The following ZDHHC2 variants were observed in gnomAD, a reference collection of about 807,000 sequenced individuals.
The protein encoded by ZDHHC2 is zDHHC palmitoyltransferase 2.
ZDHHC2 carries 51 observed loss-of-function variants against 55.6 expected under a neutral mutation model. The observed-to-expected ratio is 0.92, with a 90% CI of 0.73 to 1.16. ZDHHC2 has a LOEUF of 1.16. ZDHHC2 is among the 50% of genes most tolerant of loss of function. The pLI, the probability that ZDHHC2 is intolerant of heterozygous loss-of-function variation, is 0.00. For synonymous variants in ZDHHC2, 199 were observed against 152.9 expected, an observed-to-expected ratio of 1.30 and a Z score of -2.22; for missense variants, 491 against 442.4, an observed-to-expected ratio of 1.11 and a Z score of -0.99.
At chr8:17,179,585 T>C (rs1360663531) in intron 1 of ZDHHC2, among the ~76,000 whole-genome samples, 1 of 151,556 alleles carries the variant, frequency 6.6e-6, no homozygotes, top group Non-Finnish European at 1.5e-5. Flanking sequence ...AAAAAAAAAG[T>C]TTATTTGTAG....
chr8:17,210,003 A>G lies in ZDHHC2; in HGVS notation c.802A>G (p.Met268Val), dbSNP rs1445225505. The G allele has an allele frequency of 1.9e-6, 3 of 1,610,678 alleles. No individual in the cohort carries two copies. Among genetic ancestry groups the G allele is most frequent in the East Asian group, 2.2e-5 (1 of 44,794 alleles). Residue 268 changes from methionine to valine, a missense_variant, in exon 9 of 13, where the codon ATG (methionine) becomes GTG (valine). Transcript: ENST00000262096. Reference sequence around the variant, plus strand: ...ATTCAGCTTGGGTTTCAGTAAAAACATGCGACAAGTTTTTGGTGATGAGAA... The same window carrying G: ...ATTCAGCTTGGGTTTCAGTAAAAACGTGCGACAAGTTTTTGGTGATGAGAA... ...NGFSLGFSKNMRQVFGDEKKY... is the reference protein window; with the variant it reads ...NGFSLGFSKNVRQVFGDEKKY...
At chr8:17,186,601 T>C (rs985208893) in intron 3 of ZDHHC2, among the ~76,000 whole-genome samples, 176 bp downstream of exon 3, 1 of 152,334 alleles carries the variant, frequency 6.6e-6, no homozygotes, top group African/African-American at 2.4e-5. Context: ...GAAATATTAG[T>C]GTTTTCACCA....
At chr8:17,193,370 T>C (rs1320187650) in intron 3 of ZDHHC2, among the ~76,000 whole-genome samples, 3 of 152,242 alleles carry the variant, frequency 2.0e-5, no homozygotes, top group East Asian at 1.9e-4. Flanking sequence ...TTCTGCCTTA[T>C]ATTCTTCTAA....
chr8:17,199,488 T>TTCGTCTTCG (rs1491385427), intron 6 of ZDHHC2, among the ~76,000 whole-genome samples: 1 of 31,882 alleles, frequency 3.1e-5, no homozygotes. Context: ...CTTCTTCTTC[T>TTCGTCTTCG]TCTTCTTCTT....
chr8:17,211,434 A>G (rs529934340), intron 10 of ZDHHC2, among the ~76,000 whole-genome samples: 71 of 152,188 alleles, frequency 4.7e-4, no homozygotes, highest in African/African-American at 1.6e-3. Context: ...ACCTCAAGGC[A>G]GTGTTCCTGG....
At chr8:17,203,623 AT>A in intron 6 of ZDHHC2, among the ~76,000 whole-genome samples, 1 of 152,138 alleles carries the variant, frequency 6.6e-6, no homozygotes, top group Non-Finnish European at 1.5e-5. Flanking sequence ...AATACCCTGT[AT>A]CCTTTTGAGA....
chr8:17,190,968 T>C (rs1313627645), intron 3 of ZDHHC2, among the ~76,000 whole-genome samples: 1 of 137,008 alleles, frequency 7.3e-6, no homozygotes, highest in Non-Finnish European at 1.6e-5. Context: ...TTTTTTTTTT[T>C]TTTTTTTTTT....
intron 6 of ZDHHC2, among the ~76,000 whole-genome samples, chr8:17,199,940 G>A (rs1806655736): frequency 6.6e-6 from 1 of 151,836 alleles, no homozygotes; most frequent in African/African-American, 2.4e-5. Flanking sequence ...TGTACTTTTA[G>A]TAGAGTCGGT....
chr8:17,195,331 A>G (rs17124184), intron 3 of ZDHHC2, among the ~76,000 whole-genome samples, 173 bp from the exon 4 acceptor site: 17,216 of 152,234 alleles, frequency 0.11, 1,100 homozygotes, highest in Non-Finnish European at 0.13. Context: ...AGATGCATAA[A>G]TGAATGACCT....
At chr8:17,181,884 T>C (rs1410765701) in intron 1 of ZDHHC2, among the ~76,000 whole-genome samples, 1 of 152,204 alleles carries the variant, frequency 6.6e-6, no homozygotes, top group East Asian at 1.9e-4. Flanking sequence ...GAGCAATCTT[T>C]TCTTGAACAG....
intron 10 of ZDHHC2, among the ~76,000 whole-genome samples, chr8:17,211,976 T>C (rs1042218411): frequency 6.6e-6 from 1 of 152,248 alleles, no homozygotes; most frequent in Non-Finnish European, 1.5e-5. Flanking sequence ...TTTTTTTTAA[T>C]AATTTAAGAA....
chr8:17,205,877 C>T (rs1241719328), intron 7 of ZDHHC2, 102 bp downstream of exon 7: 1 of 1,160,596 alleles, frequency 8.6e-7, no homozygotes. Context: ...TAGACCAGAG[C>T]TCATTGACAT....
At chr8:17,193,544 C>A (rs1030182065) in intron 3 of ZDHHC2, among the ~76,000 whole-genome samples, 4 of 152,220 alleles carry the variant, frequency 2.6e-5, no homozygotes, top group Non-Finnish European at 4.4e-5. Context: ...CCTGCCTCCC[C>A]CATCTGCGTT....
rs556917238 is a variant in ZDHHC2 at position 17,224,273 on chromosome 8, A to G, written c.*4052A>G. ...ACTGGTGAAAAATGTTCAAAAATAG[A>G]TCTTTTTGATGTTCATAGCCAGTAT... is the stretch of plus-strand genomic sequence containing the variant. On this transcript the variant is annotated 3_prime_UTR_variant, in exon 13 of 13. Transcript: ENST00000262096. The G allele has an allele frequency of 6.6e-6, 1 of 151,792 alleles. No homozygotes were observed. The highest frequency in any genetic ancestry group is 2.4e-5 in the African/African-American group (1 of 41,506). The allele number at this position is 151,792 out of a possible 1,614,324, so 9.4% of individuals were successfully genotyped here.
At chr8:17,196,040 CAT>C (rs1012196495) in intron 4 of ZDHHC2, among the ~76,000 whole-genome samples, 1 of 152,078 alleles carries the variant, frequency 6.6e-6, no homozygotes, top group Non-Finnish European at 1.5e-5. Flanking sequence ...TTAGAACAGT[CAT>C]ATAGGTGATG....
chr8:17,157,956 G>A (rs1804146238), intron 1 of ZDHHC2, among the ~76,000 whole-genome samples: 1 of 152,142 alleles, frequency 6.6e-6, no homozygotes, highest in African/African-American at 2.4e-5. Flanking sequence ...AAAATGTTGC[G>A]CCTTGTGAGA....
At position 17,221,589 on chromosome 8, in the gene ZDHHC2, C is replaced by A. The variant is rs1807920540; in HGVS notation, c.*1368C>A. ...CAAAATCTTTGTTAAACCAAACATT[C>A]AACACAAAATAAACTAGAAGGCCAG... On this transcript the variant is annotated 3_prime_UTR_variant, in exon 13 of 13. Coordinates refer to ENST00000262096, the MANE Select transcript of ZDHHC2 (RefSeq NM_016353.5). 1 of 152,246 alleles carries A rather than the reference C, an allele frequency of 6.6e-6. No homozygotes were observed. The highest frequency in any genetic ancestry group is 2.4e-5 in the African/African-American group (1 of 41,394). The allele number at this position is 152,246 out of a possible 1,614,324, so 9.4% of individuals were successfully genotyped here.
intron 6 of ZDHHC2, among the ~76,000 whole-genome samples, chr8:17,200,830 A>T (rs905095332): frequency 6.6e-6 from 1 of 152,212 alleles, no homozygotes; most frequent in African/African-American, 2.4e-5. Context: ...CTCCACCCTT[A>T]GGTGGCAGTG....
chr8:17,179,005 C>T (rs1385605471), intron 1 of ZDHHC2, among the ~76,000 whole-genome samples: 1 of 152,128 alleles, frequency 6.6e-6, no homozygotes, highest in African/African-American at 2.4e-5. Flanking sequence ...GGCTTGAATG[C>T]AGTAGCAGGA....
Sources: gnomAD v4.1 joint callset for allele counts (sites outside exome capture counted in the v4.1 genomes callset) on GRCh38, gnomAD v4.1.1 for gene constraint, MANE v1.5 for transcripts, NCBI Gene and HGNC (gene_info 2026-07-23, HGNC 2026-07-21) for gene names.